The following HK1 variants were observed in gnomAD, a reference collection of about 807,000 sequenced individuals.
The protein encoded by HK1 is hexokinase-1.
A neutral mutation model predicts 91.6 loss-of-function variants in HK1; 28 were observed. The observed-to-expected ratio is 0.31, with a 90% CI of 0.23 to 0.42. The LOEUF (loss-of-function observed/expected upper bound fraction) is 0.42. Among genes scored for constraint, HK1 ranks in the 10% least tolerant of loss-of-function variants. The pLI is 1.00. For missense variants in HK1, 770 were observed against 1,219.8 expected, an observed-to-expected ratio of 0.63 and a Z score of 5.49; for synonymous variants, 430 against 468.1, an observed-to-expected ratio of 0.92 and a Z score of 1.05.
At position 69,401,205 on chromosome 10, in the gene HK1, A is replaced by C. The variant is rs1288653234; in HGVS notation, c.*70A>C. 7 of 1,550,242 alleles carry C rather than the reference A, an allele frequency of 4.5e-6. No individual in the cohort carries two copies. Among genetic ancestry groups the C allele is most frequent in the Non-Finnish European group, 6.1e-6 (7 of 1,147,762 alleles). ...TCAAGCGGCGACCCCCTACCCTCCC[A>C]GCGAGTTGCGCTGGGAGACGCTGGC... On this transcript the variant is annotated 3_prime_UTR_variant, in exon 18 of 18. Transcript: ENST00000359426.
intron 1 of HK1, among the ~76,000 whole-genome samples, chr10:69,340,336 A>G (rs1222740734): frequency 6.6e-6 from 1 of 151,998 alleles, no homozygotes; most frequent in African/African-American, 2.4e-5. Context: ...AATCTTCTCT[A>G]CCTCCTGGGT....
intron 3 of HK1, among the ~76,000 whole-genome samples, chr10:69,292,541 G>T (rs1451185458): frequency 6.6e-6 from 1 of 152,142 alleles, no homozygotes. Context: ...TATAGAGTGG[G>T]ATTGCCCCTT....
At chr10:69,375,835 CG>C (rs1016407427) in intron 7 of HK1, among the ~76,000 whole-genome samples, 3 of 152,198 alleles carry the variant, frequency 2.0e-5, no homozygotes, top group African/African-American at 7.2e-5. Context: ...TGCCAGCTCC[CG>C]GCTGGGCCTT....
chr10:69,360,811 G>A (rs1234216111), intron 3 of HK1, among the ~76,000 whole-genome samples: 2 of 152,186 alleles, frequency 1.3e-5, no homozygotes, highest in Non-Finnish European at 2.9e-5. Context: ...AGTCATTTCT[G>A]GGTCCCTAAG....
Position 69,288,770 on chromosome 10 carries a change from G to A in HK1, c.-115G>A, listed in dbSNP as rs1212867383. ...TGGGGCAGATCTGCCAGCGAGAATCGGTAAGCTCTGGTGTTTCTTTCTTTC... is the reference window on the plus strand; with the variant it reads ...TGGGGCAGATCTGCCAGCGAGAATCAGTAAGCTCTGGTGTTTCTTTCTTTC... On this transcript the variant is annotated splice_region_variant and 5_prime_UTR_variant, in exon 3 of 22. Transcript: ENST00000360289. 1.1e-5 allele frequency: 18 copies of A among 1,612,916 alleles called. No individual in the cohort carries two copies. The highest frequency in any genetic ancestry group is 2.2e-5 in the East Asian group (1 of 44,848).
chr10:69,300,903 A>G, intron 5 of HK1: 1 of 994,882 alleles, frequency 1.0e-6, no homozygotes, highest in Non-Finnish European at 1.6e-6. Context: ...ACCTATTAGA[A>G]CTAATAAACA....
chr10:69,350,832 A>G (rs1195578353), intron 2 of HK1, among the ~76,000 whole-genome samples: 1 of 152,156 alleles, frequency 6.6e-6, no homozygotes, highest in Non-Finnish European at 1.5e-5. Flanking sequence ...ATAGTTGTTT[A>G]TCAGACTGAG....
intron 2 of HK1, among the ~76,000 whole-genome samples, chr10:69,347,730 G>A (rs374370373): frequency 9.9e-5 from 15 of 151,998 alleles, no homozygotes; most frequent in African/African-American, 3.1e-4. Flanking sequence ...CACCACGCCC[G>A]GTTTAGGAAC....
chr10:69,360,124 C>A (rs1849343047), intron 3 of HK1, 79 bp downstream of exon 3: 1 of 1,371,550 alleles, frequency 7.3e-7, no homozygotes, highest in Non-Finnish European at 1.0e-6. Context: ...CCTCAAAGCA[C>A]TGGCATCCCA....
At chr10:69,349,735 AC>A (rs1352714881) in intron 2 of HK1, among the ~76,000 whole-genome samples, 1 of 152,196 alleles carries the variant, frequency 6.6e-6, no homozygotes, top group African/African-American at 2.4e-5. Context: ...CAGGGAGCCA[AC>A]CCGAGGTAAA....
chr10:69,358,667 G>A (rs1210519543), intron 2 of HK1, among the ~76,000 whole-genome samples: 1 of 133,930 alleles, frequency 7.5e-6, no homozygotes, highest in East Asian at 2.0e-4. Flanking sequence ...TTTGAGACCA[G>A]CCTGGCCGAC....
At chr10:69,318,303 C>T (rs1846767613), upstream of HK1, 1 of 849,776 alleles carries the variant, frequency 1.2e-6, no homozygotes, top group East Asian at 1.2e-4. Context: ...CGTAGCGTCC[C>T]CGGCTCCCGC....
At chr10:69,381,414 C>T (rs1016180081) in intron 9 of HK1, among the ~76,000 whole-genome samples, 4 of 152,022 alleles carry the variant, frequency 2.6e-5, no homozygotes, top group South Asian at 2.1e-4. Context: ...TTTTATTAGC[C>T]ATTTCTTTCT....
intron 9 of HK1, among the ~76,000 whole-genome samples, chr10:69,381,254 C>G (rs1839371297): frequency 6.6e-6 from 1 of 152,010 alleles, no homozygotes; most frequent in South Asian, 2.1e-4. Flanking sequence ...CCTCTACACT[C>G]CAGCCTGGGG....
chr10:69,314,974 C>A (rs926846491), upstream of HK1, among the ~76,000 whole-genome samples: 1 of 152,056 alleles, frequency 6.6e-6, no homozygotes, highest in Non-Finnish European at 1.5e-5. Context: ...CCAATTCCAG[C>A]AGTTTTAGAG....
chr10:69,272,101 T>A (rs1242684404), intron 1 of HK1, among the ~76,000 whole-genome samples: 1 of 152,176 alleles, frequency 6.6e-6, no homozygotes, highest in Non-Finnish European at 1.5e-5. Context: ...TGGCCTCAGG[T>A]GATCCGCCTG....
intron 5 of HK1, among the ~76,000 whole-genome samples, chr10:69,307,579 C>T (rs1031189151): frequency 1.3e-5 from 2 of 152,162 alleles, no homozygotes; most frequent in South Asian, 4.1e-4. Context: ...TGGATCCCAG[C>T]TTTTCCATTC....
intron 2 of HK1, among the ~76,000 whole-genome samples, chr10:69,347,439 A>ATTT (rs556840743): frequency 1.4e-4 from 20 of 140,386 alleles, no homozygotes; most frequent in South Asian, 6.8e-4. Context: ...TAGGAGACAG[A>ATTT]TTTTTTTTTT....
intron 1 of HK1, chr10:69,270,903 A>G (rs114842962): frequency 2.6e-4 from 40 of 152,346 alleles, no homozygotes; most frequent in African/African-American, 9.6e-4. Context: ...TTCTGAATGA[A>G]TGAATGAATG....
Sources: allele counts gnomAD v4.1 joint callset (sites outside exome capture counted in the v4.1 genomes callset), GRCh38; gene constraint gnomAD v4.1.1; transcripts MANE v1.5; gene names NCBI Gene and HGNC (gene_info 2026-07-23, HGNC 2026-07-21).